The following DDX50 variants were observed in gnomAD, a reference collection of about 807,000 sequenced individuals.
DDX50 encodes ATP-dependent RNA helicase DDX50.
A neutral mutation model predicts 94.8 loss-of-function variants in DDX50; 56 were observed. The observed-to-expected ratio is 0.59, with a 90% confidence interval of 0.48 to 0.74. The LOEUF is 0.74. DDX50 is among the 30% of genes least tolerant of loss of function. DDX50 has a pLI of 0.00. For synonymous variants in DDX50, 264 were observed against 295.4 expected (o/e 0.89, Z 1.09); for missense variants, 713 against 881.2 (o/e 0.81, Z 2.42).
chr10:68,916,346 T>G (rs1252947982), intron 7 of DDX50, among the ~76,000 whole-genome samples: 2 of 95,028 alleles, frequency 2.1e-5, no homozygotes, highest in African/African-American at 8.8e-5. Context: ...AGATTGAGAC[T>G]CTGTCTCAAA....
At chr10:68,914,027 G>T in intron 6 of DDX50, 32 bp from the exon 7 acceptor site, 1 of 1,542,834 alleles carries the variant, frequency 6.5e-7, no homozygotes, top group South Asian at 1.2e-5. Flanking sequence ...GGGAAATTAA[G>T]AAAACATTTG....
At chr10:68,944,163 A>G (rs762577300) in intron 14 of DDX50, among the ~76,000 whole-genome samples, 1 of 152,208 alleles carries the variant, frequency 6.6e-6, no homozygotes, top group Non-Finnish European at 1.5e-5. Flanking sequence ...ATTCCTTAAT[A>G]TCATCCAATT....
chr10:68,933,120 G>A (rs1316276169), intron 8 of DDX50, among the ~76,000 whole-genome samples: 1 of 150,492 alleles, frequency 6.6e-6, no homozygotes, highest in African/African-American at 2.5e-5. Flanking sequence ...CCAGGCTGGA[G>A]TGCAATGGCA....
At chr10:68,920,008 A>C (rs1289223096) in intron 8 of DDX50, 27 bp downstream of exon 8, 7 of 1,612,100 alleles carry the variant, frequency 4.3e-6, no homozygotes, top group Middle Eastern at 1.6e-4. Context: ...TGCTTTCTCT[A>C]ATTGAAATTA....
intron 2 of DDX50, among the ~76,000 whole-genome samples, chr10:68,907,348 C>A (rs1165598973): frequency 4.6e-5 from 6 of 129,434 alleles, no homozygotes; most frequent in South Asian, 4.8e-4. Flanking sequence ...CAGAGTCTCT[C>A]TCTGTTTCTC....
At chr10:68,904,497 A>G (rs752164320) in intron 1 of DDX50, among the ~76,000 whole-genome samples, 1 of 152,362 alleles carries the variant, frequency 6.6e-6, no homozygotes, top group East Asian at 1.9e-4. Context: ...CAGATACTCA[A>G]GGAGCATCCA....
chr10:68,925,203 A>G (rs951246975), intron 8 of DDX50, among the ~76,000 whole-genome samples: 1 of 146,844 alleles, frequency 6.8e-6, no homozygotes, highest in South Asian at 2.1e-4. Flanking sequence ...TCCCGGGTTC[A>G]AGTGATTCTC....
intron 4 of DDX50, 64 bp downstream of exon 4, chr10:68,911,310 CGA>C (rs1384643317): frequency 6.9e-7 from 1 of 1,450,618 alleles, no homozygotes; most frequent in Non-Finnish European, 9.1e-7. Context: ...GAAAGTTACA[CGA>C]GTCCTAAGTT....
At chr10:68,936,515 A>AAAATAT (rs1842418839) in intron 11 of DDX50, among the ~76,000 whole-genome samples, 1 of 53,144 alleles carries the variant, frequency 1.9e-5, no homozygotes, top group Non-Finnish European at 3.1e-5. Flanking sequence ...AAAAAAAAAA[A>AAAATAT]ATATATATAT....
intron 7 of DDX50, among the ~76,000 whole-genome samples, chr10:68,916,277 C>T (rs970341452): frequency 6.7e-6 from 1 of 150,192 alleles, no homozygotes; most frequent in Non-Finnish European, 1.5e-5. Context: ...TTGCTTGAAC[C>T]CAGGAGGTGA....
At chr10:68,908,451 C>CAAAA (rs71223162) in intron 2 of DDX50, among the ~76,000 whole-genome samples, 7 of 43,670 alleles carry the variant, frequency 1.6e-4, no homozygotes, top group African/African-American at 4.4e-4. Context: ...AACTCCATCT[C>CAAAA]AAAAAAAAAA....
rs753180280 is a variant in DDX50 at position 68,914,085 on chromosome 10, C to G, written c.970C>G (p.Leu324Val). 1.2e-6 allele frequency: 2 copies of G among 1,600,552 alleles called. No individual in the cohort carries two copies. The highest frequency in any genetic ancestry group is 1.8e-5 in the Admixed American group (1 of 56,182). Residue 324 changes from leucine to valine, a missense_variant, in exon 7 of 15, where the codon CTT becomes GTT. By Grantham distance (32) the Leu-to-Val change is conservative. Transcript: ENST00000373585. ...TDSEDNPQTL[L>V]FSATCPQWVY... The stretch of plus-strand genomic sequence containing the variant: ...TTCTGAAGACAATCCTCAGACTTTA[C>G]TTTTTTCTGCAACTTGCCCACAGTG...
At chr10:68,928,662 G>A (rs567736464) in intron 8 of DDX50, among the ~76,000 whole-genome samples, 1 of 152,204 alleles carries the variant, frequency 6.6e-6, no homozygotes, top group African/African-American at 2.4e-5. Flanking sequence ...ATATGGTAAT[G>A]ATACCCAAAT....
chr10:68,936,323 T>TA (rs911682064), intron 11 of DDX50, among the ~76,000 whole-genome samples: 12 of 148,550 alleles, frequency 8.1e-5, no homozygotes, highest in East Asian at 8.0e-4. Flanking sequence ...CTATCTCTAC[T>TA]AAAAAAATAC....
Position 68,906,762 on chromosome 10 carries a change from A to G in DDX50, c.139A>G (p.Thr47Ala). Reference sequence around the variant, plus strand: ...TTATGACTCGGATGAGAAATCAGAAACAAGAGAAAATGGTGTTACAGATGA... The same window carrying G: ...TTATGACTCGGATGAGAAATCAGAAGCAAGAGAAAATGGTGTTACAGATGA... ...HHYDSDEKSE[T>A]RENGVTDDLD... The change falls in exon 2 of 15, where the codon ACA becomes GCA. Residue 47 changes from threonine (T) to alanine (A), a missense_variant. This residue lies in a region of DDX50 where 285 missense variants were observed against 278.9 expected (regional missense o/e 1.02). Transcript: ENST00000373585. The G allele has an allele frequency of 1.2e-6, 2 of 1,612,366 alleles. No homozygotes were observed.
intron 14 of DDX50, among the ~76,000 whole-genome samples, chr10:68,944,556 T>C (rs1182575308): frequency 1.3e-5 from 2 of 152,208 alleles, no homozygotes; most frequent in African/African-American, 2.4e-5. Flanking sequence ...ATTTTTTGTT[T>C]GTTTATTTTG....
At chr10:68,901,573 C>G in intron 1 of DDX50, 102 bp downstream of exon 1, 1 of 1,237,322 alleles carries the variant, frequency 8.1e-7, no homozygotes, top group Non-Finnish European at 1.1e-6. Flanking sequence ...CGGGCCGGAG[C>G]ATCCGAGGGC....
At chr10:68,908,366 G>T (rs532166670) in intron 2 of DDX50, among the ~76,000 whole-genome samples, 1 of 146,840 alleles carries the variant, frequency 6.8e-6, no homozygotes, top group African/African-American at 2.5e-5. Context: ...CAGGAGAATC[G>T]CTTGAACCTG....
chr10:68,921,952 T>G (rs960216083), intron 8 of DDX50, among the ~76,000 whole-genome samples: 18 of 152,302 alleles, frequency 1.2e-4, no homozygotes, highest in Admixed American at 9.8e-4. Flanking sequence ...TTTGGTGGTG[T>G]TCTTTGTCAG....
Sources: allele counts gnomAD v4.1 joint callset (sites outside exome capture counted in the v4.1 genomes callset), GRCh38; gene constraint gnomAD v4.1.1; regional missense constraint gnomAD v4.1.1; transcripts MANE v1.5; gene names NCBI Gene and HGNC (gene_info 2026-07-23, HGNC 2026-07-21).